FBXW4: variants seen among roughly 807,000 people sequenced by gnomAD.
The protein encoded by FBXW4 is F-box/WD repeat-containing protein 4.
Under a neutral mutation model 61.8 loss-of-function variants are expected in FBXW4, and 40 were observed. That is an observed-to-expected ratio of 0.65 (90% CI 0.50 to 0.84). FBXW4 has a LOEUF of 0.84. FBXW4 is among the 40% of genes least tolerant of loss of function. The pLI is 0.00. For synonymous variants in FBXW4, 311 were observed against 313.8 expected, an observed-to-expected ratio of 0.99 and a Z score of 0.10; for missense variants, 672 against 753.8, an observed-to-expected ratio of 0.89 and a Z score of 1.27.
chr10:101,675,288 G>T (rs1387673525), intron 2 of FBXW4, among the ~76,000 whole-genome samples: 1 of 152,142 alleles, frequency 6.6e-6, no homozygotes, highest in Non-Finnish European at 1.5e-5. Flanking sequence ...CAAACAGAGA[G>T]GGTGGGAATT....
At chr10:101,613,866 A>G (rs2063806662) in intron 6 of FBXW4, among the ~76,000 whole-genome samples, 1 of 152,218 alleles carries the variant, frequency 6.6e-6, no homozygotes, top group South Asian at 2.1e-4. Flanking sequence ...CTCCTCAGGG[A>G]AGTTCTGGTC....
At chr10:101,612,525 A>C (rs1471331452) in intron 6 of FBXW4, 48 bp from the exon 7 acceptor site, 1 of 1,462,904 alleles carries the variant, frequency 6.8e-7, no homozygotes, top group African/African-American at 1.4e-5. Context: ...TGGGTCATAC[A>C]CATTCGTTCC....
At chr10:101,633,664 A>G (rs1398723241) in intron 5 of FBXW4, among the ~76,000 whole-genome samples, 1 of 152,238 alleles carries the variant, frequency 6.6e-6, no homozygotes, top group Non-Finnish European at 1.5e-5. Flanking sequence ...CACGGATGTT[A>G]GTTATTATTA....
chr10:101,643,835 G>C (rs2064073834), intron 5 of FBXW4, among the ~76,000 whole-genome samples: 1 of 152,182 alleles, frequency 6.6e-6, no homozygotes, highest in South Asian at 2.1e-4. Context: ...TCCCTAAGGG[G>C]GCCTGGGGTA....
intron 5 of FBXW4, among the ~76,000 whole-genome samples, chr10:101,635,909 C>A (rs1428688433): frequency 6.6e-6 from 1 of 151,668 alleles, no homozygotes; most frequent in East Asian, 1.9e-4. Flanking sequence ...CCACTTCCTC[C>A]CTACCCTGGG....
chr10:101,627,977 C>G (rs1018393960), intron 5 of FBXW4: 2 of 985,298 alleles, frequency 2.0e-6, no homozygotes, highest in African/African-American at 3.5e-5. Context: ...ATGCTGTGCT[C>G]TGATAACCTG....
chr10:101,634,372 A>G (rs1277905804), intron 5 of FBXW4, among the ~76,000 whole-genome samples: 1 of 148,236 alleles, frequency 6.7e-6, no homozygotes, highest in Non-Finnish European at 1.5e-5. Context: ...CAATTAATCT[A>G]TAAATTCAAT....
chr10:101,642,316 C>T (rs60301042), intron 5 of FBXW4, among the ~76,000 whole-genome samples: 3,817 of 151,932 alleles, frequency 0.025, 166 homozygotes, highest in African/African-American at 0.084. Flanking sequence ...TTTGGGAAGC[C>T]GAGGCAGGAG....
intron 5 of FBXW4, among the ~76,000 whole-genome samples, chr10:101,631,906 C>T (rs1027828368): frequency 1.3e-5 from 2 of 152,136 alleles, no homozygotes; most frequent in South Asian, 4.2e-4. Context: ...GGATTATAGG[C>T]GTGAGCCACC....
chr10:101,634,861 C>A (rs901085768), intron 5 of FBXW4, among the ~76,000 whole-genome samples: 1 of 149,170 alleles, frequency 6.7e-6, no homozygotes, highest in Admixed American at 6.7e-5. Context: ...AATTCTGAAG[C>A]CATGAAGGTA....
At chr10:101,688,832 C>T (rs1005990554) in intron 1 of FBXW4, among the ~76,000 whole-genome samples, 5 of 152,050 alleles carry the variant, frequency 3.3e-5, no homozygotes, top group African/African-American at 1.2e-4. Context: ...CCAATTTTCT[C>T]CTCTTTTTTT....
intron 1 of FBXW4, among the ~76,000 whole-genome samples, chr10:101,693,634 G>C (rs1047203173): frequency 6.6e-6 from 1 of 152,086 alleles, no homozygotes; most frequent in Non-Finnish European, 1.5e-5. Flanking sequence ...GTGGAATAGG[G>C]GGCAATCTGA....
chr10:101,693,041 G>C (rs1258115508), intron 1 of FBXW4, among the ~76,000 whole-genome samples: 3 of 152,174 alleles, frequency 2.0e-5, no homozygotes, highest in Non-Finnish European at 2.9e-5. Context: ...AGTGGGAAGA[G>C]ACAGTCTCCC....
intron 5 of FBXW4, among the ~76,000 whole-genome samples, chr10:101,650,475 C>T (rs1035611878): frequency 3.3e-5 from 5 of 152,204 alleles, no homozygotes; most frequent in African/African-American, 7.2e-5. Flanking sequence ...CTGAGGCTCA[C>T]AATCTGTGCT....
At chr10:101,638,340 A>G (rs2064022161) in intron 5 of FBXW4, among the ~76,000 whole-genome samples, 1 of 152,200 alleles carries the variant, frequency 6.6e-6, no homozygotes, top group Admixed American at 6.5e-5. Flanking sequence ...GGAGATGAGA[A>G]ATTCAAGCTG....
At chr10:101,669,605 G>C (rs991414610) in intron 4 of FBXW4, among the ~76,000 whole-genome samples, 4 of 152,192 alleles carry the variant, frequency 2.6e-5, no homozygotes, top group African/African-American at 7.2e-5. Context: ...GGCCCTCCTG[G>C]CTTGGCCCAG....
intron 5 of FBXW4, among the ~76,000 whole-genome samples, chr10:101,666,724 G>C (rs755672609): frequency 6.6e-6 from 1 of 152,226 alleles, no homozygotes; most frequent in African/African-American, 2.4e-5. Flanking sequence ...AGAGAGCCTC[G>C]AAAGCAGAAG....
chr10:101,674,337 AAAAG>A (rs1217630472), intron 2 of FBXW4, among the ~76,000 whole-genome samples: 2 of 151,852 alleles, frequency 1.3e-5, no homozygotes, highest in African/African-American at 4.8e-5. Flanking sequence ...AAAAAAAAAA[AAAAG>A]AAAGAAAGAA....
chr10:101,676,652 C>T, intron 1 of FBXW4: 2 of 177,730 alleles, frequency 1.1e-5, no homozygotes, highest in Non-Finnish European at 2.0e-5. Flanking sequence ...CACAGTGATG[C>T]CAAAGCAATC....
Sources: gnomAD v4.1 joint callset for allele counts (sites outside exome capture counted in the v4.1 genomes callset) on GRCh38, gnomAD v4.1.1 for gene constraint, MANE v1.5 for transcripts, NCBI Gene and HGNC (gene_info 2026-07-23, HGNC 2026-07-21) for gene names.